TENM2: variants seen among roughly 807,000 people sequenced by gnomAD.
TENM2 encodes the protein teneurin transmembrane protein 2.
Under a neutral mutation model 245.2 loss-of-function variants are expected in TENM2, and 52 were observed. The ratio of observed to expected loss-of-function variants is 0.21; its 90% confidence interval spans 0.17 to 0.27. The LOEUF (loss-of-function observed/expected upper bound fraction) is 0.27. TENM2 is among the 10% of genes least tolerant of loss of function. The probability of loss-of-function intolerance (pLI) is 1.00; values close to 1 mark genes in which losing one functional copy is unlikely to be tolerated. For missense variants in TENM2, 3,046 were observed against 3,666.8 expected, an observed-to-expected ratio of 0.83 and a Z score of 4.37; for synonymous variants, 1,363 against 1,438.9, an observed-to-expected ratio of 0.95 and a Z score of 1.19.
At chr5:167,004,994 A>C in the TENM2 span, among the ~76,000 whole-genome samples, 1 of 152,198 alleles carries the variant, frequency 6.6e-6, no homozygotes, top group East Asian at 1.9e-4. Context: ...TAAATAAATA[A>C]ATAAATTTTA....
At chr5:167,430,157 G>A (rs1764129765) in intron 2 of TENM2, among the ~76,000 whole-genome samples, 1 of 152,098 alleles carries the variant, frequency 6.6e-6, no homozygotes, top group South Asian at 2.1e-4. Context: ...GGAGAGGTTT[G>A]TCTGGAAGGG....
At chr5:167,832,772 T>G (rs2151100654) in intron 2 of TENM2, among the ~76,000 whole-genome samples, 1 of 152,272 alleles carries the variant, frequency 6.6e-6, no homozygotes, top group Non-Finnish European at 1.5e-5. Flanking sequence ...TTTGGAAGCA[T>G]ACACACAGGA....
the TENM2 span, among the ~76,000 whole-genome samples, chr5:167,087,706 C>A: frequency 6.6e-6 from 1 of 151,956 alleles, no homozygotes; most frequent in African/African-American, 2.4e-5. Context: ...ATGAGGATAT[C>A]TTAATAGCAG....
At chr5:167,565,235 C>A (rs1329016936) in intron 2 of TENM2, among the ~76,000 whole-genome samples, 2 of 152,194 alleles carry the variant, frequency 1.3e-5, no homozygotes, top group Non-Finnish European at 2.9e-5. Flanking sequence ...GAGATGATGT[C>A]ATAATATAGT....
chr5:167,539,924 A>C (rs1302738577), intron 2 of TENM2, among the ~76,000 whole-genome samples: 3 of 152,212 alleles, frequency 2.0e-5, no homozygotes, highest in Non-Finnish European at 4.4e-5. Flanking sequence ...CATTTCACAC[A>C]TCAGACGCTA....
the TENM2 span, among the ~76,000 whole-genome samples, chr5:167,036,626 G>A: frequency 6.6e-6 from 1 of 152,216 alleles, no homozygotes; most frequent in South Asian, 2.1e-4. Context: ...CCCCTCCCCA[G>A]AATTGAGACG....
chr5:167,713,712 G>A (rs79589875), intron 2 of TENM2, among the ~76,000 whole-genome samples: 8,301 of 152,184 alleles, frequency 0.055, 322 homozygotes, highest in Non-Finnish European at 0.082. Flanking sequence ...ACACATGCAC[G>A]TACATGCATA....
intron 2 of TENM2, among the ~76,000 whole-genome samples, chr5:167,421,720 G>A (rs1312289279): frequency 6.6e-6 from 1 of 152,138 alleles, no homozygotes; most frequent in Non-Finnish European, 1.5e-5. Flanking sequence ...TACTACATAA[G>A]ATTCTTGTGA....
chr5:168,105,807 T>C (rs1023458910), intron 9 of TENM2, among the ~76,000 whole-genome samples: 1 of 152,198 alleles, frequency 6.6e-6, no homozygotes, highest in Non-Finnish European at 1.5e-5. Context: ...TATTCTACGG[T>C]TTTTTGTTAT....
the TENM2 span, among the ~76,000 whole-genome samples, chr5:166,982,618 ATG>A: frequency 1.3e-5 from 2 of 152,054 alleles, no homozygotes; most frequent in South Asian, 4.1e-4. Context: ...TGAAAAGCCT[ATG>A]TTATTGTCTT....
At chr5:167,854,111 A>G (rs2973657) in intron 2 of TENM2, among the ~76,000 whole-genome samples, 22,470 of 152,242 alleles carry the variant, frequency 0.15, 1,726 homozygotes, top group Middle Eastern at 0.21. Context: ...AGCCCTGAAG[A>G]TATAGTTCTC....
chr5:168,124,407 G>A lies in TENM2; in HGVS notation c.2009-443G>A, dbSNP rs183849205. Among the ~76,000 whole-genome samples, 20 of 152,276 alleles carry A rather than the reference G, an allele frequency of 1.3e-4. No homozygotes were observed. The East Asian group carries it at 3.3e-3, about 25-fold the overall frequency. On this transcript the variant is annotated intron_variant, in intron 10 of 28. Transcript: ENST00000518659. ...AGTCAAGTATTAGTGAAGTTACAAT[G>A]AGCCTCTCTACTTTTCTCTCTTATA...
At chr5:167,695,956 C>A (rs1466806793) in intron 2 of TENM2, among the ~76,000 whole-genome samples, 1 of 151,684 alleles carries the variant, frequency 6.6e-6, no homozygotes, top group African/African-American at 2.4e-5. Context: ...ATGATGTGAA[C>A]CTGGGAGGTG....
chr5:167,982,344 C>T (rs1239727471), intron 4 of TENM2, among the ~76,000 whole-genome samples: 2 of 152,198 alleles, frequency 1.3e-5, no homozygotes, highest in Non-Finnish European at 1.5e-5. Flanking sequence ...AGAACTTACT[C>T]ATCAATGCAT....
At chr5:167,150,230 A>T in the TENM2 span, among the ~76,000 whole-genome samples, 1 of 152,168 alleles carries the variant, frequency 6.6e-6, no homozygotes, top group Non-Finnish European at 1.5e-5. Flanking sequence ...CTTTCCTTTC[A>T]GCAACCATCA....
intron 2 of TENM2, among the ~76,000 whole-genome samples, chr5:167,530,571 C>T (rs1264435797): frequency 1.3e-5 from 2 of 152,182 alleles, no homozygotes; most frequent in African/African-American, 2.4e-5. Flanking sequence ...TTTTCACTCT[C>T]ATTACATCGA....
At chr5:167,895,327 A>G (rs1775133799) in intron 3 of TENM2, among the ~76,000 whole-genome samples, 1 of 152,164 alleles carries the variant, frequency 6.6e-6, no homozygotes, top group African/African-American at 2.4e-5. Context: ...TAAAGTAGGA[A>G]CCACCATCTG....
chr5:167,159,193 G>A, the TENM2 span, among the ~76,000 whole-genome samples: 12 of 151,572 alleles, frequency 7.9e-5, no homozygotes, highest in African/African-American at 2.4e-4. Flanking sequence ...TCTGCCCACC[G>A]AGGCCTCCCA....
intron 1 of TENM2, among the ~76,000 whole-genome samples, chr5:167,347,415 G>C (rs1160332338): frequency 6.6e-6 from 1 of 152,172 alleles, no homozygotes; most frequent in Non-Finnish European, 1.5e-5. Flanking sequence ...TCTCCCAACA[G>C]CTTCCTTATC....
Sources: gnomAD v4.1 joint callset for allele counts (sites outside exome capture counted in the v4.1 genomes callset) on GRCh38, gnomAD v4.1.1 for gene constraint, MANE v1.5 for transcripts, NCBI Gene and HGNC (gene_info 2026-07-23, HGNC 2026-07-21) for gene names.